Variants in DTNA observed in about 807,000 individuals in gnomAD.
DTNA encodes the protein dystrophin-related protein 3.
A neutral mutation model predicts 100.7 loss-of-function variants in DTNA; 43 were observed. The ratio of observed to expected loss-of-function variants is 0.43; its 90% CI spans 0.33 to 0.55. DTNA has a LOEUF of 0.55. DTNA is among the 20% of genes least tolerant of loss of function. The pLI is 0.04. For synonymous variants in DTNA, 349 were observed against 347.9 expected (o/e 1.00, Z -0.04); for missense variants, 798 against 953.9 (o/e 0.84, Z 2.15).
chr18:34,601,312 C>T (rs2051773214), intron 1 of DTNA, among the ~76,000 whole-genome samples: 2 of 152,152 alleles, frequency 1.3e-5, no homozygotes, highest in Admixed American at 1.3e-4. Flanking sequence ...GGTCACTGGT[C>T]ATTGCTATGG....
At chr18:34,611,849 C>T (rs1036212702) in intron 1 of DTNA, among the ~76,000 whole-genome samples, 10 of 152,136 alleles carry the variant, frequency 6.6e-5, no homozygotes, top group Non-Finnish European at 1.2e-4. Context: ...CAGAAGACTC[C>T]GCTGGCAGAG....
chr18:34,522,308 A>G (rs917061242), intron 1 of DTNA, among the ~76,000 whole-genome samples: 2 of 152,324 alleles, frequency 1.3e-5, no homozygotes, highest in African/African-American at 2.4e-5. Context: ...AAAGAGGGCT[A>G]TAAAGAGGGC....
At chr18:34,528,364 T>A (rs778144458) in intron 1 of DTNA, among the ~76,000 whole-genome samples, 2 of 152,098 alleles carry the variant, frequency 1.3e-5, no homozygotes, top group Non-Finnish European at 2.9e-5. Context: ...CAGACAATCA[T>A]GGGTTATTCC....
At chr18:34,671,892 C>G (rs2076807001) in intron 1 of DTNA, among the ~76,000 whole-genome samples, 1 of 152,140 alleles carries the variant, frequency 6.6e-6, no homozygotes, top group African/African-American at 2.4e-5. Context: ...AAATTATGAG[C>G]AAAATCATGA....
chr18:34,760,375 G>C (rs1283396871), intron 2 of DTNA, among the ~76,000 whole-genome samples: 1 of 152,056 alleles, frequency 6.6e-6, no homozygotes, highest in Admixed American at 6.6e-5. Flanking sequence ...TTCTTGACCA[G>C]TTGTCTCCAT....
intron 1 of DTNA, among the ~76,000 whole-genome samples, chr18:34,601,110 TAGAC>T (rs35261020): frequency 0.11 from 17,330 of 152,136 alleles, 1,013 homozygotes; most frequent in African/African-American, 0.14. Context: ...CCAGTGGTGT[TAGAC>T]AGCAACTTTT....
chr18:34,642,450 A>T (rs1021191688), intron 1 of DTNA, among the ~76,000 whole-genome samples: 2 of 152,038 alleles, frequency 1.3e-5, no homozygotes, highest in African/African-American at 2.4e-5. Context: ...GAGGAGAACA[A>T]CTTTCACATT....
At chr18:34,673,991 G>C (rs575103855) in intron 1 of DTNA, among the ~76,000 whole-genome samples, 1 of 152,330 alleles carries the variant, frequency 6.6e-6, no homozygotes, top group South Asian at 2.1e-4. Context: ...ACCCAGAATT[G>C]TGAAGTACAC....
chr18:34,799,704 G>A (rs1039903353), intron 4 of DTNA, among the ~76,000 whole-genome samples: 4 of 152,216 alleles, frequency 2.6e-5, no homozygotes, highest in East Asian at 3.9e-4. Flanking sequence ...TCTACATCCT[G>A]CTAAAATGGA....
At chr18:34,854,678 C>T (rs1440188817) in intron 15 of DTNA, among the ~76,000 whole-genome samples, 2 of 152,198 alleles carry the variant, frequency 1.3e-5, no homozygotes, top group Non-Finnish European at 2.9e-5. Flanking sequence ...ATCCCTTCTC[C>T]ATCCCTTAGT....
intron 1 of DTNA, among the ~76,000 whole-genome samples, chr18:34,535,247 T>C (rs1300110155): frequency 6.6e-6 from 1 of 152,202 alleles, no homozygotes; most frequent in Non-Finnish European, 1.5e-5. Flanking sequence ...TGACCAGTGA[T>C]GATGAGCTTT....
rs563450935 is a variant in DTNA at position 34,714,110 on chromosome 18, A to T, written c.-2+3665A>T. Reference sequence around the variant, plus strand: ...GATGGATTAAAGACTTAAACGTTAGACCTAACACCATAAAAACCCTAGAAG... The same window carrying T: ...GATGGATTAAAGACTTAAACGTTAGTCCTAACACCATAAAAACCCTAGAAG... On this transcript the variant is annotated intron_variant, in intron 1 of 22. Coordinates refer to ENST00000444659, the MANE Select transcript of DTNA (RefSeq NM_001386795.1). Among the ~76,000 whole-genome samples, 17 of 152,208 alleles carry T rather than the reference A, an allele frequency of 1.1e-4. 1 individual carries two copies. In the South Asian group the frequency reaches 3.3e-3, roughly 30 times the overall value.
intron 1 of DTNA, among the ~76,000 whole-genome samples, chr18:34,587,791 A>G (rs1004936738): frequency 2.0e-5 from 3 of 152,190 alleles, no homozygotes; most frequent in Non-Finnish European, 4.4e-5. Context: ...TCACAAGCAT[A>G]CATATAACTT....
intron 13 of DTNA, among the ~76,000 whole-genome samples, chr18:34,839,368 G>C (rs1280897746): frequency 6.6e-6 from 1 of 152,142 alleles, no homozygotes. Flanking sequence ...TGACCATCCT[G>C]CTAAAGCCTG....
Position 34,888,014 on chromosome 18 carries a change from T to A in DTNA, c.*280T>A. On this transcript the variant is annotated 3_prime_UTR_variant, in exon 23 of 23. Transcript: ENST00000444659. ...TGTTTCAAGAAGGAAAAAAAAAGAC[T>A]TCTGTTCAAAGTTAACTTATCAGCT... 3 of 985,846 alleles carry A rather than the reference T, an allele frequency of 3.0e-6. No individual in the cohort carries two copies. The highest frequency in any genetic ancestry group is 3.6e-6 in the Non-Finnish European group (3 of 829,948). The allele number at this position is 985,846 out of a possible 1,614,324, so 61.1% of individuals were successfully genotyped here. A position where few individuals can be genotyped will look rare whatever the true frequency, so the allele number is the denominator to read the frequency against.
intron 1 of DTNA, among the ~76,000 whole-genome samples, chr18:34,541,393 G>A (rs1053006863): frequency 6.6e-6 from 1 of 152,042 alleles, no homozygotes; most frequent in African/African-American, 2.4e-5. Context: ...ATCCCCACGT[G>A]TCATGGGCGG....
chr18:34,778,519 C>G (rs1164019834), intron 3 of DTNA, among the ~76,000 whole-genome samples: 1 of 152,120 alleles, frequency 6.6e-6, no homozygotes, highest in African/African-American at 2.4e-5. Flanking sequence ...CAATGTTGTT[C>G]AAGCATCATC....
intron 11 of DTNA, among the ~76,000 whole-genome samples, chr18:34,831,356 C>T (rs996918686): frequency 2.0e-5 from 3 of 152,180 alleles, no homozygotes; most frequent in African/African-American, 7.2e-5. Flanking sequence ...TAACATCTAG[C>T]CAGGTCTTAT....
chr18:34,707,681 A>C (rs1236004616), upstream of DTNA, among the ~76,000 whole-genome samples: 1 of 152,228 alleles, frequency 6.6e-6, no homozygotes, highest in Non-Finnish European at 1.5e-5. Context: ...ACTCCTGATG[A>C]AATGAATGCA....
Sources: allele counts gnomAD v4.1 joint callset (sites outside exome capture counted in the v4.1 genomes callset), GRCh38; gene constraint gnomAD v4.1.1; transcripts MANE v1.5; gene names NCBI Gene and HGNC (gene_info 2026-07-23, HGNC 2026-07-21).